Variants in TRAPPC2L observed in about 807,000 individuals in gnomAD.
The protein encoded by TRAPPC2L is trafficking protein particle complex subunit 2-like protein.
Under a neutral mutation model 13.2 loss-of-function variants are expected in TRAPPC2L, and 17 were observed. The observed-to-expected ratio is 1.29, with a 90% CI of 0.88 to 1.93. The LOEUF (loss-of-function observed/expected upper bound fraction) is 1.93, where lower values mean the gene tolerates loss of function less well. Ranked by LOEUF, TRAPPC2L falls within the 30% of genes most tolerant of loss-of-function variation. The probability of loss-of-function intolerance (pLI) is 0.00; values close to 1 mark genes in which losing one functional copy is unlikely to be tolerated. For missense variants in TRAPPC2L, 359 were observed against 252.1 expected (o/e 1.42, Z -2.87); for synonymous variants, 150 against 98.1 (o/e 1.53, Z -3.12).
chr16:88,859,593 TGAGGGCCCACA>T (rs1567556248), intron 2 of TRAPPC2L, 59 bp from the exon 3 acceptor site: 1 of 1,426,698 alleles, frequency 7.0e-7, no homozygotes, highest in Non-Finnish European at 9.9e-7. Context: ...TTCTCCAAAG[TGAGGGCCCACA>T]GAGGGCCCTC....
chr16:88,857,109 G>T, upstream of TRAPPC2L: 1 of 1,526,540 alleles, frequency 6.6e-7, no homozygotes. Flanking sequence ...CGTGACCAGC[G>T]GCGGGTCACG....
chr16:88,861,177 TC>T (rs1400446279), exon 4 of TRAPPC2L: 17 of 581,294 alleles, frequency 2.9e-5, no homozygotes, highest in African/African-American at 2.1e-4. Context: ...TAAGGACTTT[TC>T]TGGGGTGTGG....
upstream of TRAPPC2L, chr16:88,856,758 G>A (rs1204944305): frequency 6.9e-7 from 1 of 1,452,944 alleles, no homozygotes; most frequent in Non-Finnish European, 9.1e-7. Flanking sequence ...CCGCACTCAC[G>A]TCGTCCATGA....
At chr16:88,859,690 G>A (rs1968236582) in exon 3 of TRAPPC2L, 3 of 1,614,016 alleles carry the variant, frequency 1.9e-6, no homozygotes, top group Non-Finnish European at 2.5e-6. Context: ...ACTCCAAGGT[G>A]AAGTTTGTCA....
chr16:88,856,362 G>A, upstream of TRAPPC2L: 1 of 701,834 alleles, frequency 1.4e-6, no homozygotes, highest in South Asian at 1.5e-5. Context: ...CTTTGGGGAG[G>A]CCACGCTGCG....
In TRAPPC2L at chr16:88,858,607, C is replaced by T. The variant is rs1968149963; in HGVS notation, c.34-12C>T. 6.2e-7 allele frequency: 1 copy of T among 1,611,116 alleles called. No homozygotes were observed. Reference sequence around the variant, plus strand: ...GTCTTGTCCTTTCAGTCGCCGTCATCCTTTCTTGCAGAATTACCCCCTCTA... The same window carrying T: ...GTCTTGTCCTTTCAGTCGCCGTCATTCTTTCTTGCAGAATTACCCCCTCTA... On this transcript the variant is annotated splice_polypyrimidine_tract_variant and intron_variant, in intron 1 of 3. Coordinates refer to ENST00000565504, the Ensembl canonical transcript of TRAPPC2L.
exon 4 of TRAPPC2L, chr16:88,860,398 G>T: frequency 1.6e-6 from 1 of 612,450 alleles, no homozygotes; most frequent in South Asian, 1.9e-5. Context: ...AAAGTAAACA[G>T]ATTTAACTTT....
At chr16:88,857,296 G>C (rs956993324) in intron 1 of TRAPPC2L, 113 bp downstream of exon 1, 4 of 1,035,256 alleles carry the variant, frequency 3.9e-6, no homozygotes, top group Non-Finnish European at 5.4e-6. Flanking sequence ...CCTGGAGGAG[G>C]CCTTCGCCGA....
At position 88,860,103 on chromosome 16, in the gene TRAPPC2L, AG is replaced by A; in HGVS notation, c.508del (p.Ala170GlnfsTer4). On this transcript the variant is annotated frameshift_variant, in exon 4 of 4. Coordinates refer to ENST00000565504, the Ensembl canonical transcript of TRAPPC2L. LOFTEE classifies it low-confidence loss of function (END_TRUNC). ...TTTAAGCTATGAGCACCATCCCCCT[AG>A]GGCAGAGGTTTTAAAGCCACAAAGC... The A allele has an allele frequency of 1.1e-6, 1 of 876,864 alleles. No homozygotes were observed. Among genetic ancestry groups the A allele is most frequent in the Non-Finnish European group, 1.8e-6 (1 of 542,158 alleles). The allele number at this position is 876,864 out of a possible 1,614,324, so 54.3% of individuals were successfully genotyped here. A position where few individuals can be genotyped will look rare whatever the true frequency, so the allele number is the denominator to read the frequency against.
chr16:88,859,150 C>T (rs1476094213), intron 2 of TRAPPC2L: 3 of 436,870 alleles, frequency 6.9e-6, no homozygotes, highest in Non-Finnish European at 1.3e-5. Flanking sequence ...TTTCATTAGG[C>T]CTTGCCTCTT....
chr16:88,856,420 G>C, upstream of TRAPPC2L: 1 of 701,142 alleles, frequency 1.4e-6, no homozygotes. Flanking sequence ...AGACGGGGGA[G>C]GCAGGGCCCG....
At chr16:88,860,280 G>C in exon 4 of TRAPPC2L, 1 of 699,998 alleles carries the variant, frequency 1.4e-6, no homozygotes, top group Non-Finnish European at 2.6e-6. Flanking sequence ...CCAAGCACAT[G>C]GGCAGTGGCT....
At chr16:88,859,849 CTG>C (rs781114997) in intron 3 of TRAPPC2L, 42 bp from the exon 4 acceptor site, 12 of 1,583,728 alleles carry the variant, frequency 7.6e-6, no homozygotes, top group African/African-American at 2.7e-5. Context: ...CTGGCAGTGG[CTG>C]TGTGTATGTG....
upstream of TRAPPC2L, chr16:88,856,834 A>G (rs1214582833): frequency 1.3e-6 from 2 of 1,521,108 alleles, no homozygotes; most frequent in Non-Finnish European, 1.7e-6. Context: ...GCTGAGCACC[A>G]GCAACAGCTG....
chr16:88,860,750 G>A lies in TRAPPC2L; in HGVS notation c.*426G>A, dbSNP rs953463228. The stretch of plus-strand genomic sequence containing the variant: ...GGCAGCAGATGGGTTCTCAGTGCCC[G>A]GTGGGGTGGGACTCCTGTCCTGGCC... On this transcript the variant is annotated 3_prime_UTR_variant, in exon 4 of 4. Transcript: ENST00000565504. 1.8e-5 allele frequency: 13 copies of A among 733,134 alleles called. No homozygotes were observed. The South Asian group carries it at 1.8e-4, about 10-fold the overall frequency. 45.4% of individuals were successfully genotyped at this position (733,134 alleles called of 1,614,324 possible).
Position 88,861,127 on chromosome 16 carries a change from C to T in TRAPPC2L, c.*803C>T, listed in dbSNP as rs1311556473. ...TTGTGAGAGGAGATTTGGCTTTTTC[C>T]TTCCGTGTCAGCCAAGGATTTAATT... On this transcript the variant is annotated 3_prime_UTR_variant, in exon 4 of 4. Transcript: ENST00000565504. 3 of 652,282 alleles carry T rather than the reference C, an allele frequency of 4.6e-6. No homozygotes were observed. The African/African-American group carries it at 5.5e-5, about 12-fold the overall frequency. 40.4% of individuals were successfully genotyped at this position (652,282 alleles called of 1,614,324 possible).
At chr16:88,861,051 G>A (rs1013440625) in exon 4 of TRAPPC2L, 58 of 1,299,324 alleles carry the variant, frequency 4.5e-5, no homozygotes, top group Middle Eastern at 1.9e-4. Flanking sequence ...TGAATGGGAC[G>A]CCTGGGGCTT....
exon 4 of TRAPPC2L, chr16:88,860,766 T>TGTCC (rs1256039808): frequency 2.3e-5 from 19 of 843,866 alleles, no homozygotes; most frequent in Non-Finnish European, 3.6e-5. Flanking sequence ...GTGGGACTCC[T>TGTCC]GTCCTGGCCT....
chr16:88,857,235 G>A (rs1173949789), intron 1 of TRAPPC2L, 52 bp downstream of exon 1: 6 of 1,437,534 alleles, frequency 4.2e-6, no homozygotes, highest in Non-Finnish European at 5.6e-6. Context: ...TCGGCTCTCC[G>A]CTTTCTTTCT....
Sources: allele counts gnomAD v4.1 joint callset, GRCh38; gene constraint gnomAD v4.1.1; transcripts MANE v1.5; gene names NCBI Gene and HGNC (gene_info 2026-07-23, HGNC 2026-07-21).